The following SFXN2 variants were observed in gnomAD, a reference collection of about 807,000 sequenced individuals.
SFXN2 encodes sideroflexin-2.
In SFXN2, 37 loss-of-function variants were observed where a neutral mutation model predicts 41.9. The ratio of observed to expected loss-of-function variants is 0.88; its 90% confidence interval spans 0.68 to 1.16. The LOEUF (loss-of-function observed/expected upper bound fraction) is 1.16. Among genes scored for constraint, SFXN2 ranks in the 50% most tolerant of loss-of-function variants. SFXN2 has a pLI of 0.00. For missense variants in SFXN2, 386 were observed against 425.2 expected (o/e 0.91, Z 0.81); for synonymous variants, 150 against 156.7 (o/e 0.96, Z 0.32).
chr10:102,742,460 C>CTTTTTT lies in SFXN2; in HGVS notation c.*4706_*4711dup, dbSNP rs11390629. 2.1e-5 allele frequency: 3 copies of CTTTTTT among 139,702 alleles called. No individual in the cohort carries two copies. Among genetic ancestry groups the CTTTTTT allele is most frequent in the East Asian group, 4.2e-4 (2 of 4,746 alleles). 8.7% of individuals were successfully genotyped at this position (139,702 alleles called of 1,614,324 possible). On this transcript the variant is annotated 3_prime_UTR_variant, in exon 12 of 12. Coordinates refer to ENST00000369893, the MANE Select transcript of SFXN2 (RefSeq NM_178858.6). ...ACAGGCAGGAGCCACCGCACCTGGCCTTTTTTTTTTTTTGAGACAGGGTCT... is the reference window on the plus strand; with the variant it reads ...ACAGGCAGGAGCCACCGCACCTGGCCTTTTTTTTTTTTTTTTTTTGAGACAGGGTCT...
At chr10:102,728,917 A>G (rs565508061) in intron 4 of SFXN2, among the ~76,000 whole-genome samples, 1 of 152,224 alleles carries the variant, frequency 6.6e-6, no homozygotes, top group South Asian at 2.1e-4. Context: ...AAACAAAAAA[A>G]ACCACCCAGA....
chr10:102,730,304 A>G (rs1234258268), intron 6 of SFXN2, among the ~76,000 whole-genome samples: 4 of 152,232 alleles, frequency 2.6e-5, no homozygotes, highest in African/African-American at 9.6e-5. Flanking sequence ...TGTGTCTCAC[A>G]GTTCTTATTT....
chr10:102,735,227 C>T (rs532468639), intron 10 of SFXN2, among the ~76,000 whole-genome samples: 4 of 149,318 alleles, frequency 2.7e-5, no homozygotes, highest in Non-Finnish European at 5.9e-5. Flanking sequence ...GTCCTTCTCC[C>T]TCTCCATGTT....
At chr10:102,719,499 G>A (rs1341965215) in intron 1 of SFXN2, among the ~76,000 whole-genome samples, 1 of 152,058 alleles carries the variant, frequency 6.6e-6, no homozygotes, top group African/African-American at 2.4e-5. Context: ...AAAGTGCTGG[G>A]ATTACAGGTG....
intron 11 of SFXN2, among the ~76,000 whole-genome samples, chr10:102,736,227 C>T (rs2064775696): frequency 6.6e-6 from 1 of 151,610 alleles, no homozygotes; most frequent in African/African-American, 2.4e-5. Context: ...TTAGGAAGCT[C>T]TCCTCTGGCT....
chr10:102,729,467 C>A, intron 5 of SFXN2, 73 bp downstream of exon 5: 1 of 1,536,070 alleles, frequency 6.5e-7, no homozygotes, highest in Admixed American at 1.8e-5. Flanking sequence ...GTCCTTCCCC[C>A]AGGGACAGTT....
At position 102,738,883 on chromosome 10, in the gene SFXN2, C is replaced by T. The variant is rs942173980; in HGVS notation, c.*1121C>T. 1.3e-5 allele frequency: 2 copies of T among 152,630 alleles called. No individual in the cohort carries two copies. The highest frequency in any genetic ancestry group is 4.8e-5 in the African/African-American group (2 of 41,430). 9.5% of individuals were successfully genotyped at this position (152,630 alleles called of 1,614,324 possible). ...TTCCTGGCTGCCTCCCTTCCTCAGC[C>T]CATTAGGTTAAACACCAAAGAAAGA... On this transcript the variant is annotated 3_prime_UTR_variant, in exon 12 of 12. Transcript: ENST00000369893.
At chr10:102,730,619 G>A (rs1203427076) in intron 6 of SFXN2, among the ~76,000 whole-genome samples, 2 of 152,214 alleles carry the variant, frequency 1.3e-5, no homozygotes. Flanking sequence ...ACCTACCGGG[G>A]CTTGAGTTGA....
At position 102,734,698 on chromosome 10, in the gene SFXN2, G is replaced by A. The variant is rs562310390; in HGVS notation, c.821+1095G>A. The stretch of plus-strand genomic sequence containing the variant: ...AGGCACTGCAAAGTGGTCTGCAGTA[G>A]CCCTAAAAAGTAGGTTGTCCTCCCT... On this transcript the variant is annotated intron_variant, in intron 10 of 11. Coordinates refer to ENST00000369893, the MANE Select transcript of SFXN2 (RefSeq NM_178858.6). This position sits in a 1 kb window ranked among gnomAD's most constrained non-coding sequence, Gnocchi z 4.1. Among the ~76,000 whole-genome samples the A allele has an allele frequency of 2.0e-4, 30 of 152,154 alleles. No homozygotes were observed. Among genetic ancestry groups the A allele is most frequent in the Non-Finnish European group, 3.7e-4 (25 of 68,008 alleles).
At chr10:102,720,072 C>A (rs1237550789) in intron 1 of SFXN2, among the ~76,000 whole-genome samples, 2 of 152,010 alleles carry the variant, frequency 1.3e-5, no homozygotes, top group African/African-American at 4.8e-5. Flanking sequence ...GGTAATGGGT[C>A]ACGAGGTCAG....
intron 1 of SFXN2, among the ~76,000 whole-genome samples, chr10:102,724,562 C>T (rs1175504940): frequency 6.6e-6 from 1 of 152,066 alleles, no homozygotes; most frequent in Non-Finnish European, 1.5e-5. Context: ...AATAGCTGGG[C>T]ATGGTGGTGC....
chr10:102,728,026 C>CGGT (rs770052736), intron 3 of SFXN2, among the ~76,000 whole-genome samples: 1 of 152,060 alleles, frequency 6.6e-6, no homozygotes, highest in Non-Finnish European at 1.5e-5. Flanking sequence ...AAGCTGGGCA[C>CGGT]GGTGGCTCAT....
rs779086845 is a variant in SFXN2, at chr10:102,727,133, C to T, written c.308C>T (p.Thr103Met). 5.2e-5 allele frequency: 84 copies of T among 1,603,994 alleles called. No homozygotes were observed. The highest frequency in any genetic ancestry group is 2.7e-4 in the East Asian group (12 of 44,542). Reference protein sequence around the residue: ...SFQLPGGMIITGFMLQFYRTM... With the variant: ...SFQLPGGMIIMGFMLQFYRTM... ...CAGCTTCCTGGCGGCATGATCATCA[C>T]GGGCTTCATGCTCCAGTTCTACAGG... Residue 103 changes from threonine to methionine, a missense_variant, in exon 3 of 12, where the codon ACG (threonine) becomes ATG (methionine). Physicochemically the swap from Thr to Met is moderately conservative, Grantham distance 81. Transcript: ENST00000369893.
chr10:102,715,789 A>T (rs553671094), intron 1 of SFXN2, among the ~76,000 whole-genome samples: 173 of 151,706 alleles, frequency 1.1e-3, no homozygotes, highest in African/African-American at 3.3e-3. Context: ...TACAAAAAAA[A>T]ATTTTTTTTA....
intron 3 of SFXN2, 79 bp from the exon 4 acceptor site, chr10:102,728,352 A>C: frequency 9.2e-7 from 1 of 1,088,084 alleles, no homozygotes; most frequent in Admixed American, 1.7e-5. Context: ...CCTGCAGATC[A>C]TGTGCTTTGA....
Position 102,738,949 on chromosome 10 carries a change from C to T in SFXN2, c.*1187C>T, listed in dbSNP as rs1013700939. The T allele has an allele frequency of 6.6e-6, 1 of 152,602 alleles. No homozygotes were observed. Among genetic ancestry groups the T allele is most frequent in the African/African-American group, 2.4e-5 (1 of 41,430 alleles). 9.5% of individuals were successfully genotyped at this position (152,602 alleles called of 1,614,324 possible). Reference sequence around the variant, plus strand: ...TAGGAAAGGGAAGTTTTATTTGGAACCTTCTAAGAGGAAATCAACCAGGAC... The same window carrying T: ...TAGGAAAGGGAAGTTTTATTTGGAATCTTCTAAGAGGAAATCAACCAGGAC... On this transcript the variant is annotated 3_prime_UTR_variant, in exon 12 of 12. Coordinates refer to ENST00000369893, the MANE Select transcript of SFXN2 (RefSeq NM_178858.6).
Position 102,743,129 on chromosome 10 carries a change from A to G in SFXN2, c.*5367A>G, listed in dbSNP as rs1334534169. On this transcript the variant is annotated 3_prime_UTR_variant, in exon 12 of 12. Transcript: ENST00000369893. ...TCTCTATTCTGTAGGTAGATGAAGT[A>G]TTTAAAAGAAGAGGCCATGATATAG... 1 of 152,252 alleles carries G rather than the reference A, an allele frequency of 6.6e-6. No homozygotes were observed. The highest frequency in any genetic ancestry group is 1.5e-5 in the Non-Finnish European group (1 of 68,048). The allele number at this position is 152,252 out of a possible 1,614,324, so 9.4% of individuals were successfully genotyped here.
In SFXN2 at chr10:102,740,311, A is replaced by G. The variant is rs1204067788; in HGVS notation, c.*2549A>G. 2 of 152,146 alleles carry G rather than the reference A, an allele frequency of 1.3e-5. No homozygotes were observed. The highest frequency in any genetic ancestry group is 2.9e-5 in the Non-Finnish European group (2 of 68,014). 9.4% of individuals were successfully genotyped at this position (152,146 alleles called of 1,614,324 possible). A position where few individuals can be genotyped will look rare whatever the true frequency, so the allele number is the denominator to read the frequency against. ...ACCCTGGTTGGAGTGCAGTAGTGCAATCACTGCTCATTGCAGCCTCAACCT... is the reference window on the plus strand; with the variant it reads ...ACCCTGGTTGGAGTGCAGTAGTGCAGTCACTGCTCATTGCAGCCTCAACCT... On this transcript the variant is annotated 3_prime_UTR_variant, in exon 12 of 12. Transcript: ENST00000369893.
rs1440312743 is a variant in SFXN2 at position 102,738,941 on chromosome 10, A to G, written c.*1179A>G. 1 of 152,678 alleles carries G rather than the reference A, an allele frequency of 6.5e-6. No homozygotes were observed. Among genetic ancestry groups the G allele is most frequent in the Non-Finnish European group, 1.5e-5 (1 of 68,048 alleles). 9.5% of individuals were successfully genotyped at this position (152,678 alleles called of 1,614,324 possible). A position where few individuals can be genotyped will look rare whatever the true frequency, so the allele number is the denominator to read the frequency against. ...GTACTGAATAGGAAAGGGAAGTTTT[A>G]TTTGGAACCTTCTAAGAGGAAATCA... is the stretch of plus-strand genomic sequence containing the variant. On this transcript the variant is annotated 3_prime_UTR_variant, in exon 12 of 12. Coordinates refer to ENST00000369893, the MANE Select transcript of SFXN2 (RefSeq NM_178858.6).
Sources: gnomAD v4.1 joint callset for allele counts (sites outside exome capture counted in the v4.1 genomes callset) on GRCh38, gnomAD v4.1.1 for gene constraint, Gnocchi (gnomAD v3.1) non-coding constraint, MANE v1.5 for transcripts, NCBI Gene and HGNC (gene_info 2026-07-23, HGNC 2026-07-21) for gene names.